Variants in FOXJ3 observed in about 807,000 individuals in gnomAD.
FOXJ3 encodes forkhead box protein J3.
Under a neutral mutation model 76.1 loss-of-function variants are expected in FOXJ3, and 22 were observed. The ratio of observed to expected loss-of-function variants is 0.29; its 90% CI spans 0.21 to 0.41. The LOEUF is 0.41. FOXJ3 is among the 10% of genes least tolerant of loss of function. The probability of loss-of-function intolerance (pLI) is 1.00; values close to 1 mark genes in which losing one functional copy is unlikely to be tolerated. For synonymous variants in FOXJ3, 269 were observed against 261.2 expected (o/e 1.03, Z -0.29); for missense variants, 613 against 762.1 (o/e 0.80, Z 2.30).
intron 10 of FOXJ3, 28 bp from the exon 11 acceptor site, chr1:42,188,956 A>G (rs758470660): frequency 2.1e-6 from 3 of 1,452,592 alleles, no homozygotes; most frequent in Non-Finnish European, 2.8e-6. Context: ...AAAATATGTT[A>G]GCACTGTTAT....
chr1:42,271,079 G>A (rs1198703354), intron 3 of FOXJ3, among the ~76,000 whole-genome samples: 1 of 152,128 alleles, frequency 6.6e-6, no homozygotes, highest in Admixed American at 6.6e-5. Flanking sequence ...TTTGGAGATA[G>A]AGACTGCCTC....
intron 2 of FOXJ3, among the ~76,000 whole-genome samples, chr1:42,287,886 G>A (rs1653163055): frequency 6.6e-6 from 1 of 151,994 alleles, no homozygotes; most frequent in African/African-American, 2.4e-5. Flanking sequence ...GATCACCTGA[G>A]CCCAGGGAAG....
intron 4 of FOXJ3, among the ~76,000 whole-genome samples, chr1:42,249,678 C>T (rs1231290024): frequency 6.6e-6 from 1 of 152,140 alleles, no homozygotes; most frequent in African/African-American, 2.4e-5. Flanking sequence ...ATTTATTAGG[C>T]ATCTACTGTG....
rs904411113 is a variant in FOXJ3 at position 42,211,233 on chromosome 1, G to A, written c.529-5370C>T. Among the ~76,000 whole-genome samples the A allele has an allele frequency of 2.6e-5, 4 of 152,174 alleles. No homozygotes were observed. The East Asian group carries it at 5.8e-4, about 22-fold the overall frequency. On this transcript the variant is annotated intron_variant, in intron 5 of 12. Transcript: ENST00000361346. ...ATGGGTGCATCTGTAGATACTCTTCGTGGAACACTTTGGGGTAACTGCATC... is the reference window on the plus strand; with the variant it reads ...ATGGGTGCATCTGTAGATACTCTTCATGGAACACTTTGGGGTAACTGCATC...
In FOXJ3 at chr1:42,237,478, A is replaced by G. The variant is rs536007413; in HGVS notation, c.445-9512T>C. Among the ~76,000 whole-genome samples the G allele has an allele frequency of 6.1e-3, 877 of 144,462 alleles. 4 individuals are homozygous for G. Among genetic ancestry groups the G allele is most frequent in the Non-Finnish European group, 6.8e-3 (457 of 66,788 alleles). The allele number at this position is 144,462 out of a possible 152,430, so 94.8% of individuals were successfully genotyped here. On this transcript the variant is annotated intron_variant, in intron 4 of 12. Transcript: ENST00000361346. Reference sequence around the variant, plus strand: ...CATACATACATATACATATATATGTATATATATATATATGGGCTATTTCTG... The same window carrying G: ...CATACATACATATACATATATATGTGTATATATATATATGGGCTATTTCTG...
At chr1:42,263,886 A>G (rs1651254182) in intron 4 of FOXJ3, among the ~76,000 whole-genome samples, 1 of 151,184 alleles carries the variant, frequency 6.6e-6, no homozygotes, top group South Asian at 2.1e-4. Flanking sequence ...GCAGTAGATA[A>G]CTAACAAAGA....
At chr1:42,196,584 T>C (rs1290366310) in intron 7 of FOXJ3, among the ~76,000 whole-genome samples, 2 of 152,092 alleles carry the variant, frequency 1.3e-5, no homozygotes, top group Non-Finnish European at 2.9e-5. Flanking sequence ...TCCCAGCAAC[T>C]TGAGAGGCTG....
In FOXJ3 at chr1:42,234,810, T is replaced by TG. The variant is rs369014888; in HGVS notation, c.445-6845dup. On this transcript the variant is annotated intron_variant, in intron 4 of 12. Coordinates refer to ENST00000361346, the MANE Select transcript of FOXJ3 (RefSeq NM_014947.5). Reference sequence around the variant, plus strand: ...GTGTGAGGTGTCAGTGTGCTCCTACTGGGGGGTGCCTCCCAGTTAGGCTAC... The same window carrying TG: ...GTGTGAGGTGTCAGTGTGCTCCTACTGGGGGGGTGCCTCCCAGTTAGGCTAC... Among the ~76,000 whole-genome samples the TG allele has an allele frequency of 3.3e-3, 497 of 152,240 alleles. 4 individuals are homozygous for TG. Among genetic ancestry groups the TG allele is most frequent in the African/African-American group, 0.011 (470 of 41,560 alleles).
intron 2 of FOXJ3, among the ~76,000 whole-genome samples, chr1:42,294,666 G>C (rs1004317813): frequency 6.6e-6 from 1 of 150,668 alleles, no homozygotes; most frequent in Admixed American, 6.7e-5. Context: ...GGAGGCTGAG[G>C]CAGGAGAACT....
intron 2 of FOXJ3, among the ~76,000 whole-genome samples, chr1:42,282,269 T>C (rs1652772937): frequency 6.6e-6 from 1 of 152,078 alleles, no homozygotes; most frequent in Admixed American, 6.5e-5. Flanking sequence ...CTTCCTGGAC[T>C]CTGATGTCTC....
chr1:42,310,720 G>C (rs1487584210), intron 2 of FOXJ3, among the ~76,000 whole-genome samples: 1 of 152,120 alleles, frequency 6.6e-6, no homozygotes, highest in African/African-American at 2.4e-5. Flanking sequence ...AAAATGCTGG[G>C]AGTACAGATG....
chr1:42,303,539 A>G (rs572290873), intron 2 of FOXJ3, among the ~76,000 whole-genome samples: 39 of 152,342 alleles, frequency 2.6e-4, no homozygotes, highest in Non-Finnish European at 5.0e-4. Context: ...AGAGGAGGGA[A>G]ATGAGGAAAC....
intron 5 of FOXJ3, among the ~76,000 whole-genome samples, chr1:42,213,421 G>A (rs1647005140): frequency 6.6e-6 from 1 of 150,674 alleles, no homozygotes; most frequent in Non-Finnish European, 1.5e-5. Context: ...AAAGCAAGCA[G>A]GAGTAGCTAT....
chr1:42,259,257 T>G (rs1650848954), intron 4 of FOXJ3, among the ~76,000 whole-genome samples: 1 of 152,184 alleles, frequency 6.6e-6, no homozygotes, highest in Admixed American at 6.5e-5. Context: ...GGGAAAGGGC[T>G]GACTACCAAG....
chr1:42,179,846 A>C, intron 12 of FOXJ3, 21 bp from the exon 13 acceptor site: 1 of 1,499,458 alleles, frequency 6.7e-7, no homozygotes, highest in Non-Finnish European at 9.3e-7. Context: ...AGAGGCAATA[A>C]TAGCAGCGAC....
intron 1 of FOXJ3, among the ~76,000 whole-genome samples, chr1:42,315,631 G>C (rs1380054738): frequency 6.6e-6 from 1 of 152,146 alleles, no homozygotes; most frequent in Non-Finnish European, 1.5e-5. Flanking sequence ...CTTGTTGACT[G>C]AAAGAACAAA....
chr1:42,331,068 T>C (rs538073938), intron 1 of FOXJ3, among the ~76,000 whole-genome samples: 17 of 151,726 alleles, frequency 1.1e-4, no homozygotes, highest in African/African-American at 3.9e-4. Flanking sequence ...TCAATGAAAA[T>C]GGGGAGGAGT....
intron 5 of FOXJ3, among the ~76,000 whole-genome samples, chr1:42,210,783 A>G (rs1646952411): frequency 6.6e-6 from 1 of 152,046 alleles, no homozygotes; most frequent in Admixed American, 6.6e-5. Flanking sequence ...CGCTGCTGGG[A>G]GACTAGAGGA....
chr1:42,311,868 T>A (rs1156549818), intron 1 of FOXJ3, among the ~76,000 whole-genome samples: 1 of 152,218 alleles, frequency 6.6e-6, no homozygotes, highest in Non-Finnish European at 1.5e-5. Context: ...GCAAGCTTGT[T>A]GTTAGAATTA....
Sources: allele counts gnomAD v4.1 joint callset (sites outside exome capture counted in the v4.1 genomes callset), GRCh38; gene constraint gnomAD v4.1.1; transcripts MANE v1.5; gene names NCBI Gene and HGNC (gene_info 2026-07-23, HGNC 2026-07-21).